The following NADSYN1 variants were observed in gnomAD, a reference collection of about 807,000 sequenced individuals.
NADSYN1 encodes the protein glutamine-dependent NAD(+) synthetase.
NADSYN1 carries 80 observed loss-of-function variants against 99.3 expected under a neutral mutation model. The ratio of observed to expected loss-of-function variants is 0.81; its 90% CI spans 0.67 to 0.97. The LOEUF is 0.97. Ranked by LOEUF, NADSYN1 falls within the 50% of genes least tolerant of loss-of-function variation. The probability of loss-of-function intolerance (pLI) is 0.00; values close to 1 mark genes in which losing one functional copy is unlikely to be tolerated. For synonymous variants in NADSYN1, 385 were observed against 372.1 expected (o/e 1.03, Z -0.40); for missense variants, 859 against 948.5 (o/e 0.91, Z 1.24).
In NADSYN1 at chr11:71,499,770, G is replaced by A. The variant is rs1336850058; in HGVS notation, c.2070+1242G>A. 5.3e-5 allele frequency: 8 copies of A among 152,292 alleles called. No individual in the cohort carries two copies. The South Asian group carries it at 6.2e-4, about 12-fold the overall frequency. 9.4% of individuals were successfully genotyped at this position (152,292 alleles called of 1,614,324 possible). ...TGTCAACAATGATAAATCAGAGGCC[G>A]GCTGCAATGGCTCACGCCTGCCATC... On this transcript the variant is annotated intron_variant, in intron 20 of 20. Transcript: ENST00000319023.
chr11:71,496,063 C>A (rs996284603), intron 18 of NADSYN1, among the ~76,000 whole-genome samples: 3 of 152,200 alleles, frequency 2.0e-5, no homozygotes, highest in African/African-American at 7.2e-5. Flanking sequence ...TTCTCTGAGT[C>A]CCCCACACTT....
chr11:71,484,668 T>G lies in NADSYN1; in HGVS notation c.1455+221T>G, dbSNP rs551317000. 9.9e-5 allele frequency: 60 copies of G among 605,148 alleles called. 1 individual carries two copies. In the South Asian group the frequency reaches 1.2e-3, roughly 12 times the overall value. The allele number at this position is 605,148 out of a possible 1,614,324, so 37.5% of individuals were successfully genotyped here. On this transcript the variant is annotated intron_variant, in intron 15 of 20. Transcript: ENST00000319023. ...ACAAGGAGGGGGTCTGTGTGTGTGT[T>G]GGTGCATGAGCATGTGATGTGTAAG...
At chr11:71,458,574 A>T (rs1421776284) in intron 3 of NADSYN1, 30 bp downstream of exon 3, 1 of 1,521,606 alleles carries the variant, frequency 6.6e-7, no homozygotes, top group East Asian at 2.2e-5. Context: ...TGGAAGGGCA[A>T]ACCTGGGACA....
chr11:71,463,641 G>A (rs1472101373), intron 4 of NADSYN1, among the ~76,000 whole-genome samples, 156 bp downstream of exon 4: 1 of 152,108 alleles, frequency 6.6e-6, no homozygotes, highest in Non-Finnish European at 1.5e-5. Flanking sequence ...GCACCAGGCA[G>A]GTGATCCGGG....
intron 18 of NADSYN1, among the ~76,000 whole-genome samples, chr11:71,494,395 G>A (rs1397228884): frequency 2.0e-5 from 3 of 152,160 alleles, no homozygotes; most frequent in Non-Finnish European, 2.9e-5. Flanking sequence ...TGGAGCACAG[G>A]TGCATAGGAG....
chr11:71,501,597 A>T lies in NADSYN1; in HGVS notation c.*245A>T, dbSNP rs912177075. On this transcript the variant is annotated 3_prime_UTR_variant, in exon 21 of 21. Coordinates refer to ENST00000319023, the MANE Select transcript of NADSYN1 (RefSeq NM_018161.5). ...CCCGCCAGCGTGCGCTTCCCCGCGA[A>T]GTCTGGCATTCTCCGAAGGAAGCCG... 13 of 522,602 alleles carry T rather than the reference A, an allele frequency of 2.5e-5. No homozygotes were observed. Among genetic ancestry groups the T allele is most frequent in the Non-Finnish European group, 4.4e-5 (13 of 295,886 alleles). The allele number at this position is 522,602 out of a possible 1,614,324, so 32.4% of individuals were successfully genotyped here.
At chr11:71,480,658 T>C (rs1226361316) in intron 10 of NADSYN1, 97 bp from the exon 11 acceptor site, 2 of 1,579,352 alleles carry the variant, frequency 1.3e-6, no homozygotes, top group Admixed American at 1.7e-5. Flanking sequence ...GACATGCGTT[T>C]CTGTGGCTGA....
intron 9 of NADSYN1, chr11:71,477,243 G>A (rs3794064): frequency 0.061 from 74,150 of 1,212,702 alleles, 2,906 homozygotes; most frequent in African/African-American, 0.15. Context: ...ACCTAGCCTC[G>A]GGGAGAGTGG....
intron 16 of NADSYN1, among the ~76,000 whole-genome samples, chr11:71,488,560 G>A (rs1209041166): frequency 6.6e-5 from 10 of 152,124 alleles, no homozygotes; most frequent in Admixed American, 2.0e-4. Flanking sequence ...GGTGTGAGAC[G>A]TCAGAGACAG....
At chr11:71,464,876 A>G in intron 5 of NADSYN1, among the ~76,000 whole-genome samples, 1 of 148,924 alleles carries the variant, frequency 6.7e-6, no homozygotes, top group South Asian at 2.1e-4. Context: ...TCAAAAAAAA[A>G]AAAAAAAAAA....
intron 16 of NADSYN1, among the ~76,000 whole-genome samples, chr11:71,488,103 G>A (rs926313392): frequency 4.6e-5 from 7 of 152,058 alleles, no homozygotes; most frequent in Admixed American, 4.6e-4. Flanking sequence ...CTGTAATTCT[G>A]TTGTTGAATT....
chr11:71,456,870 G>A (rs1949518033), intron 2 of NADSYN1, among the ~76,000 whole-genome samples: 1 of 152,216 alleles, frequency 6.6e-6, no homozygotes, highest in South Asian at 2.1e-4. Flanking sequence ...ACTTCACTGA[G>A]CACACCGCCT....
chr11:71,472,512 G>A lies in NADSYN1; in HGVS notation c.459+12G>A. On this transcript the variant is annotated intron_variant, in intron 6 of 20. Transcript: ENST00000319023. Reference sequence around the variant, plus strand: ...ACCTGACAAAGCAGGTGAGTCCCTGGGTGTGGAGCCCGTTTTTCAGTCGGT... The same window carrying A: ...ACCTGACAAAGCAGGTGAGTCCCTGAGTGTGGAGCCCGTTTTTCAGTCGGT... 1.2e-6 allele frequency: 2 copies of A among 1,611,898 alleles called. No individual in the cohort carries two copies. Among genetic ancestry groups the A allele is most frequent in the Non-Finnish European group, 1.7e-6 (2 of 1,177,952 alleles).
intron 12 of NADSYN1, chr11:71,481,651 T>C: frequency 3.3e-6 from 2 of 604,312 alleles, no homozygotes; most frequent in African/African-American, 3.7e-5. Context: ...AGGGTCACGC[T>C]CACCATCTTG....
At chr11:71,463,292 G>A in intron 3 of NADSYN1, 140 bp from the exon 4 acceptor site, 4 of 723,184 alleles carry the variant, frequency 5.5e-6, no homozygotes, top group Non-Finnish European at 9.3e-6. Context: ...CCACAGAAGA[G>A]CCTTGCAGTT....
intron 9 of NADSYN1, chr11:71,476,565 G>A: frequency 1.3e-6 from 1 of 743,022 alleles, no homozygotes; most frequent in Non-Finnish European, 1.7e-6. Flanking sequence ...ACGGGGGCAG[G>A]CAAGGGTGTG....
chr11:71,478,265 G>A (rs1424641601), intron 9 of NADSYN1, 130 bp from the exon 10 acceptor site: 3 of 736,486 alleles, frequency 4.1e-6, no homozygotes, highest in African/African-American at 3.5e-5. Flanking sequence ...CCCATCCCTG[G>A]GCCTCCAGGA....
At chr11:71,495,405 A>G (rs2120519474) in intron 18 of NADSYN1, among the ~76,000 whole-genome samples, 1 of 152,320 alleles carries the variant, frequency 6.6e-6, no homozygotes, top group Non-Finnish European at 1.5e-5. Context: ...TTCAACATTT[A>G]AAGTTGTCTG....
chr11:71,465,762 A>C (rs374372780), intron 5 of NADSYN1, among the ~76,000 whole-genome samples: 1 of 152,116 alleles, frequency 6.6e-6, no homozygotes, highest in East Asian at 1.9e-4. Flanking sequence ...GGACTCTTTA[A>C]TATTATATTT....
Sources: gnomAD v4.1 joint callset for allele counts (sites outside exome capture counted in the v4.1 genomes callset) on GRCh38, gnomAD v4.1.1 for gene constraint, MANE v1.5 for transcripts, NCBI Gene and HGNC (gene_info 2026-07-23, HGNC 2026-07-21) for gene names.